Variants in ZNF680 observed in about 807,000 individuals in gnomAD.
The protein encoded by ZNF680 is hypothetical protein FLJ90430.
ZNF680 carries 6 observed loss-of-function variants against 12.1 expected under a neutral mutation model. The observed-to-expected ratio is 0.49, with a 90% confidence interval of 0.27 to 0.98. The LOEUF is 0.98. ZNF680 is among the 50% of genes least tolerant of loss of function. The probability of loss-of-function intolerance (pLI) is 0.12; values close to 1 mark genes in which losing one functional copy is unlikely to be tolerated. For missense variants in ZNF680, 561 were observed against 616.3 expected (o/e 0.91, Z 0.95); for synonymous variants, 170 against 199.3 (o/e 0.85, Z 1.24).
chr7:64,534,237 A>G (rs1786038747), intron 3 of ZNF680, among the ~76,000 whole-genome samples: 1 of 152,212 alleles, frequency 6.6e-6, no homozygotes, highest in South Asian at 2.1e-4. Context: ...CAACCCACAG[A>G]GTGGGAAAGG....
chr7:64,528,666 C>G (rs1326715384), intron 3 of ZNF680, among the ~76,000 whole-genome samples: 1 of 152,146 alleles, frequency 6.6e-6, no homozygotes, highest in African/African-American at 2.4e-5. Flanking sequence ...GCAGCCAAAG[C>G]AGTATGTACC....
intron 3 of ZNF680, among the ~76,000 whole-genome samples, chr7:64,532,099 A>T (rs1236944153): frequency 2.6e-5 from 4 of 152,166 alleles, no homozygotes; most frequent in Non-Finnish European, 5.9e-5. Context: ...AGGTCAGGCG[A>T]CTGAGACCAT....
downstream of ZNF680, among the ~76,000 whole-genome samples, chr7:64,516,891 C>T (rs528123721): frequency 1.1e-4 from 17 of 151,754 alleles, no homozygotes; most frequent in Admixed American, 2.0e-4. Context: ...AAAATCAAGA[C>T]AAAAAATATT....
At chr7:64,533,022 C>T (rs1170814785) in intron 3 of ZNF680, among the ~76,000 whole-genome samples, 2 of 152,090 alleles carry the variant, frequency 1.3e-5, no homozygotes, top group Non-Finnish European at 2.9e-5. Context: ...CATACCTCCA[C>T]GTAATAAAAG....
At chr7:64,514,034 G>A in the ZNF680 span, among the ~76,000 whole-genome samples, 11,400 of 151,904 alleles carry the variant, frequency 0.075, 518 homozygotes, top group Admixed American at 0.11. Context: ...AATAACTTAC[G>A]GTAATTTAAA....
At chr7:64,507,516 C>G in the ZNF680 span, among the ~76,000 whole-genome samples, 1 of 111,136 alleles carries the variant, frequency 9.0e-6, no homozygotes, top group Non-Finnish European at 1.9e-5. Flanking sequence ...CTCAATTATT[C>G]TATTTTTTTT....
chr7:64,537,306 G>T (rs1285567158), intron 3 of ZNF680, among the ~76,000 whole-genome samples: 2 of 152,008 alleles, frequency 1.3e-5, no homozygotes, highest in African/African-American at 4.8e-5. Context: ...GGGCAACAAG[G>T]TGAGACCCTG....
intron 3 of ZNF680, among the ~76,000 whole-genome samples, chr7:64,523,333 C>T (rs1253279661): frequency 1.3e-5 from 2 of 151,772 alleles, no homozygotes; most frequent in East Asian, 1.9e-4. Context: ...TATATTGTAT[C>T]CTTTAGAGGT....
At chr7:64,560,691 A>C (rs1787685694) in intron 1 of ZNF680, among the ~76,000 whole-genome samples, 1 of 152,148 alleles carries the variant, frequency 6.6e-6, no homozygotes, top group Non-Finnish European at 1.5e-5. Flanking sequence ...TAGCGCCTGT[A>C]GTCTCAGCTA....
chr7:64,545,653 T>C (rs2116498961), intron 1 of ZNF680, among the ~76,000 whole-genome samples: 1 of 152,336 alleles, frequency 6.6e-6, no homozygotes, highest in Non-Finnish European at 1.5e-5. Flanking sequence ...AAAATACAGG[T>C]ATCTCCTATT....
At chr7:64,543,971 G>A (rs952231554) in intron 2 of ZNF680, 169 bp from the exon 3 acceptor site, 8 of 685,214 alleles carry the variant, frequency 1.2e-5, no homozygotes, top group Non-Finnish European at 1.8e-5. Context: ...AAATTTTTAG[G>A]TCTTTAATTT....
downstream of ZNF680, among the ~76,000 whole-genome samples, chr7:64,518,936 A>C (rs534117351): frequency 3.2e-4 from 48 of 152,250 alleles, no homozygotes; most frequent in Non-Finnish European, 5.0e-4. Flanking sequence ...TGCTTAGGCA[A>C]AGACTTCATG....
Position 64,544,431 on chromosome 7 carries a change from C to A in ZNF680, c.32G>T (p.Gly11Val). 1 of 1,581,726 alleles carries A rather than the reference C, an allele frequency of 6.3e-7. No homozygotes were observed. Among genetic ancestry groups the A allele is most frequent in the East Asian group, 2.3e-5 (1 of 43,660 alleles). MPGPPGSLEM[G>V]PLTFRDVAIE... ...GGCCACATCCCTAAATGTCAGTGGTCCCTGAAAAACACACACACACACACA... is the reference window on the plus strand; with the variant it reads ...GGCCACATCCCTAAATGTCAGTGGTACCTGAAAAACACACACACACACACA... Residue 11 changes from glycine (G) to valine (V), a missense_variant and splice_region_variant, in exon 2 of 4, where the codon GGA becomes GTA. Gly to Val is a moderately radical substitution (Grantham distance 109). Coordinates refer to ENST00000309683, the MANE Select transcript of ZNF680 (RefSeq NM_178558.5).
intron 1 of ZNF680, among the ~76,000 whole-genome samples, chr7:64,548,996 T>C (rs1185169338): frequency 6.6e-6 from 1 of 151,976 alleles, no homozygotes; most frequent in Admixed American, 6.6e-5. Flanking sequence ...GGCATGTGCC[T>C]GTAATCCCAG....
chr7:64,562,218 C>T (rs1212620666), intron 1 of ZNF680, among the ~76,000 whole-genome samples: 2 of 138,738 alleles, frequency 1.4e-5, no homozygotes, highest in Non-Finnish European at 3.0e-5. Context: ...GGCGACAGAG[C>T]GAGACTCCGT....
the ZNF680 span, among the ~76,000 whole-genome samples, chr7:64,512,856 T>TA: frequency 6.6e-6 from 1 of 152,308 alleles, no homozygotes; most frequent in East Asian, 1.9e-4. Flanking sequence ...TCAATTTTTT[T>TA]AAAATGAAGG....
intron 2 of ZNF680, 196 bp downstream of exon 2, chr7:64,544,110 A>T: frequency 1.4e-6 from 1 of 737,664 alleles, no homozygotes. Context: ...AGATCAGCTC[A>T]GGAATGTGGA....
chr7:64,555,476 C>T (rs951136177), intron 1 of ZNF680, among the ~76,000 whole-genome samples: 11 of 151,612 alleles, frequency 7.3e-5, no homozygotes, highest in Non-Finnish European at 1.5e-4. Context: ...AAAGATACAA[C>T]ATACCAGAAT....
chr7:64,507,963 A>C, the ZNF680 span, among the ~76,000 whole-genome samples: 2 of 151,128 alleles, frequency 1.3e-5, no homozygotes, highest in Non-Finnish European at 3.0e-5. Flanking sequence ...CCCAACACTC[A>C]AGAATAAATT....
Sources: allele counts gnomAD v4.1 joint callset (sites outside exome capture counted in the v4.1 genomes callset), GRCh38; gene constraint gnomAD v4.1.1; transcripts MANE v1.5; gene names NCBI Gene and HGNC (gene_info 2026-07-23, HGNC 2026-07-21).